Variants in NEGR1 observed in about 807,000 individuals in gnomAD.
NEGR1 encodes IgLON family member 4.
Under a neutral mutation model 40.9 loss-of-function variants are expected in NEGR1, and 10 were observed. The observed-to-expected ratio is 0.24, with a 90% CI of 0.15 to 0.42. The LOEUF is 0.42. NEGR1 is among the 10% of genes least tolerant of loss of function. The pLI is 1.00. For synonymous variants in NEGR1, 185 were observed against 166.8 expected (o/e 1.11, Z -0.84); for missense variants, 352 against 438.9 (o/e 0.80, Z 1.77).
intron 4 of NEGR1, among the ~76,000 whole-genome samples, chr1:71,672,299 A>G (rs1318587585): frequency 6.6e-6 from 1 of 152,222 alleles, no homozygotes; most frequent in Non-Finnish European, 1.5e-5. Flanking sequence ...ATTAGATAAA[A>G]TTATTGCATT....
At chr1:72,037,189 ACTGACT>A (rs1273869741) in intron 1 of NEGR1, among the ~76,000 whole-genome samples, 4 of 152,154 alleles carry the variant, frequency 2.6e-5, no homozygotes, top group African/African-American at 9.7e-5. Context: ...AAACAGTGAG[ACTGACT>A]CTGTACTATA....
chr1:71,965,243 C>G (rs1646200875), intron 1 of NEGR1, among the ~76,000 whole-genome samples: 1 of 152,110 alleles, frequency 6.6e-6, no homozygotes, highest in African/African-American at 2.4e-5. Context: ...GACCAAGGCA[C>G]AAAACACAGG....
At chr1:72,147,762 C>G (rs936654299) in intron 1 of NEGR1, among the ~76,000 whole-genome samples, 2 of 152,098 alleles carry the variant, frequency 1.3e-5, no homozygotes, top group Admixed American at 1.3e-4. Flanking sequence ...TATAGCAGTT[C>G]CAAATGGGAG....
At chr1:72,032,036 CACAGAG>C (rs1646863042) in intron 1 of NEGR1, among the ~76,000 whole-genome samples, 1 of 152,178 alleles carries the variant, frequency 6.6e-6, no homozygotes, top group Non-Finnish European at 1.5e-5. Flanking sequence ...TACCCAAACT[CACAGAG>C]CTAAAAATTA....
intron 3 of NEGR1, among the ~76,000 whole-genome samples, chr1:71,761,397 A>G (rs1196939114): frequency 1.3e-5 from 2 of 152,210 alleles, no homozygotes; most frequent in Non-Finnish European, 2.9e-5. Flanking sequence ...CATGGTCTAC[A>G]GACTATTTTA....
intron 6 of NEGR1, among the ~76,000 whole-genome samples, chr1:71,524,598 T>A (rs1252760966): frequency 6.6e-6 from 1 of 151,576 alleles, no homozygotes; most frequent in Non-Finnish European, 1.5e-5. Flanking sequence ...AAGGAAGTAT[T>A]TGTTCACCTG....
chr1:71,817,396 CTTAG>C (rs1658263092), intron 2 of NEGR1, among the ~76,000 whole-genome samples: 2 of 152,046 alleles, frequency 1.3e-5, no homozygotes, highest in Non-Finnish European at 2.9e-5. Flanking sequence ...GTTGGAAAAG[CTTAG>C]TTAGACGTTC....
At chr1:72,198,011 T>C (rs370305954) in intron 1 of NEGR1, among the ~76,000 whole-genome samples, 3 of 152,052 alleles carry the variant, frequency 2.0e-5, no homozygotes, top group East Asian at 3.9e-4. Context: ...GCTTTTGTCT[T>C]GGAGAATATA....
chr1:71,843,990 C>T (rs906831658), intron 2 of NEGR1, among the ~76,000 whole-genome samples: 1 of 152,130 alleles, frequency 6.6e-6, no homozygotes, highest in Non-Finnish European at 1.5e-5. Flanking sequence ...CCAGGCTAGC[C>T]TTCTTTTAAT....
At chr1:71,961,523 C>T (rs909683916) in intron 1 of NEGR1, among the ~76,000 whole-genome samples, 1 of 152,110 alleles carries the variant, frequency 6.6e-6, no homozygotes, top group African/African-American at 2.4e-5. Context: ...CCTCCCAAAA[C>T]ATCAGGTTTT....
At chr1:71,763,583 A>G (rs1277728913) in intron 3 of NEGR1, among the ~76,000 whole-genome samples, 1 of 152,174 alleles carries the variant, frequency 6.6e-6, no homozygotes, top group East Asian at 1.9e-4. Flanking sequence ...CTTAAATGAG[A>G]TAAGTATGTG....
chr1:71,683,142 A>C (rs2101612511), intron 4 of NEGR1, among the ~76,000 whole-genome samples: 1 of 152,304 alleles, frequency 6.6e-6, no homozygotes, highest in East Asian at 1.9e-4. Flanking sequence ...ATTTTTCCAT[A>C]AAATCAGAGC....
intron 6 of NEGR1, among the ~76,000 whole-genome samples, chr1:71,555,162 C>T (rs1032564446): frequency 3.3e-5 from 5 of 151,602 alleles, no homozygotes; most frequent in African/African-American, 1.2e-4. Context: ...ATCCCCCTCA[C>T]TCCCAATTAG....
At chr1:71,627,815 A>G (rs1034863609) in intron 4 of NEGR1, among the ~76,000 whole-genome samples, 1 of 152,058 alleles carries the variant, frequency 6.6e-6, no homozygotes, top group Admixed American at 6.6e-5. Context: ...TTGAAGAGAA[A>G]GTTTGTTTTA....
intron 6 of NEGR1, among the ~76,000 whole-genome samples, chr1:71,424,879 C>G (rs919066114): frequency 6.6e-6 from 1 of 152,170 alleles, no homozygotes; most frequent in Non-Finnish European, 1.5e-5. Flanking sequence ...CCCAGCTGAG[C>G]TGACACCTTG....
chr1:71,800,451 G>C (rs769841935), intron 2 of NEGR1, among the ~76,000 whole-genome samples: 15 of 152,112 alleles, frequency 9.9e-5, no homozygotes, highest in Middle Eastern at 3.4e-3. Context: ...GTATTGCCTA[G>C]GTTTTCCTCT....
chr1:72,090,853 A>G (rs1190831895), intron 1 of NEGR1, among the ~76,000 whole-genome samples: 1 of 152,130 alleles, frequency 6.6e-6, no homozygotes, highest in African/African-American at 2.4e-5. Flanking sequence ...ATCTGGAAAA[A>G]CAAGGGACTA....
chr1:71,928,958 G>T (rs1024688329), intron 2 of NEGR1, among the ~76,000 whole-genome samples: 1 of 152,024 alleles, frequency 6.6e-6, no homozygotes, highest in African/African-American at 2.4e-5. Context: ...TGGTAGAACA[G>T]GTCGAAATCC....
At chr1:72,248,622 CAG>C (rs1379053397) in intron 1 of NEGR1, among the ~76,000 whole-genome samples, 5 of 102,532 alleles carry the variant, frequency 4.9e-5, no homozygotes, top group Admixed American at 1.9e-4. Flanking sequence ...TTATTTTAGA[CAG>C]AGTCTCGCTC....
Sources: allele counts gnomAD v4.1 joint callset (sites outside exome capture counted in the v4.1 genomes callset), GRCh38; gene constraint gnomAD v4.1.1; transcripts MANE v1.5; gene names NCBI Gene and HGNC (gene_info 2026-07-23, HGNC 2026-07-21).